SLC16A10: variants seen among roughly 807,000 people sequenced by gnomAD.
SLC16A10 encodes the protein solute carrier family 16 member 10.
Under a neutral mutation model 40.0 loss-of-function variants are expected in SLC16A10, and 27 were observed. That is an observed-to-expected ratio of 0.67 (90% CI 0.50 to 0.93). The LOEUF (loss-of-function observed/expected upper bound fraction) is 0.93. Among genes scored for constraint, SLC16A10 ranks in the 40% least tolerant of loss-of-function variants. SLC16A10 has a pLI of 0.00. For missense variants in SLC16A10, 529 were observed against 658.2 expected (o/e 0.80, Z 2.15); for synonymous variants, 213 against 249.8 (o/e 0.85, Z 1.39).
At position 111,223,091 on chromosome 6, in the gene SLC16A10, C is replaced by T. The variant is rs1042774182; in HGVS notation, c.*856C>T. On this transcript the variant is annotated 3_prime_UTR_variant, in exon 6 of 6. Transcript: ENST00000368851. ...GGCACTAGAACCTGATATTTAAAGT[C>T]TTACTGAGCAGCTATCAAGTGGCAG... The T allele has an allele frequency of 7.1e-6, 1 of 140,350 alleles. No homozygotes were observed. 8.7% of individuals were successfully genotyped at this position (140,350 alleles called of 1,614,324 possible). A position where few individuals can be genotyped will look rare whatever the true frequency, so the allele number is the denominator to read the frequency against.
At chr6:111,182,893 A>G (rs1331724354) in intron 3 of SLC16A10, among the ~76,000 whole-genome samples, 1 of 151,922 alleles carries the variant, frequency 6.6e-6, no homozygotes, top group African/African-American at 2.4e-5. Flanking sequence ...GGATCTGACC[A>G]CCTCTCACCA....
chr6:111,154,556 T>A (rs1180613897), intron 1 of SLC16A10, among the ~76,000 whole-genome samples: 1 of 152,240 alleles, frequency 6.6e-6, no homozygotes, highest in Admixed American at 6.5e-5. Flanking sequence ...AGGAAGCAAG[T>A]ATTTTTTGCC....
At chr6:111,119,633 T>C (rs1328396320) in intron 1 of SLC16A10, among the ~76,000 whole-genome samples, 1 of 152,184 alleles carries the variant, frequency 6.6e-6, no homozygotes, top group Non-Finnish European at 1.5e-5. Context: ...ACTGAATGTT[T>C]GTAACCCCCA....
chr6:111,216,237 C>T (rs1157725446), intron 4 of SLC16A10, among the ~76,000 whole-genome samples: 1 of 152,144 alleles, frequency 6.6e-6, no homozygotes, highest in African/African-American at 2.4e-5. Context: ...GTAGGCCCAA[C>T]AATTACTCAC....
intron 1 of SLC16A10, among the ~76,000 whole-genome samples, chr6:111,151,618 C>G (rs573267564): frequency 6.6e-6 from 1 of 152,178 alleles, no homozygotes; most frequent in South Asian, 2.1e-4. Flanking sequence ...ACCGTTTGAT[C>G]ATGTAATTCC....
intron 1 of SLC16A10, among the ~76,000 whole-genome samples, chr6:111,171,750 A>G (rs1230220893): frequency 6.7e-6 from 1 of 150,118 alleles, no homozygotes; most frequent in East Asian, 2.0e-4. Context: ...TGGGCTGTCG[A>G]GATCACAGTG....
intron 4 of SLC16A10, among the ~76,000 whole-genome samples, chr6:111,207,845 G>T (rs1773280334): frequency 6.6e-6 from 1 of 152,156 alleles, no homozygotes; most frequent in African/African-American, 2.4e-5. Context: ...TGGATTGGTT[G>T]GGGGGATGGA....
At chr6:111,168,103 C>T (rs947972501) in intron 1 of SLC16A10, among the ~76,000 whole-genome samples, 2 of 152,044 alleles carry the variant, frequency 1.3e-5, no homozygotes, top group Non-Finnish European at 2.9e-5. Context: ...ACTCAGCCTC[C>T]CGAATAGCTG....
rs183624208 is a variant in SLC16A10, at chr6:111,123,152, T to A, written c.343+35057T>A. Among the ~76,000 whole-genome samples the A allele has an allele frequency of 3.0e-3, 457 of 152,310 alleles. 1 individual carries two copies. Among genetic ancestry groups the A allele is most frequent in the Non-Finnish European group, 5.1e-3 (347 of 68,010 alleles). On this transcript the variant is annotated intron_variant, in intron 1 of 5. Transcript: ENST00000368851. ...GACTCTGGCCCATTCCTCCCACCTG[T>A]CTTCATCCTGTCGGGGTTGATCTCT...
chr6:111,166,122 C>G (rs1359517368), intron 1 of SLC16A10, among the ~76,000 whole-genome samples: 1 of 151,914 alleles, frequency 6.6e-6, no homozygotes, highest in Non-Finnish European at 1.5e-5. Flanking sequence ...AGATTGGCTA[C>G]AGCTTAAGAT....
chr6:111,176,473 T>C (rs1008238312), intron 2 of SLC16A10, among the ~76,000 whole-genome samples: 2 of 152,264 alleles, frequency 1.3e-5, no homozygotes, highest in African/African-American at 4.8e-5. Context: ...TGTAAGATTA[T>C]TTAATCCATT....
At chr6:111,146,940 A>C (rs539387009) in intron 1 of SLC16A10, among the ~76,000 whole-genome samples, 2 of 152,336 alleles carry the variant, frequency 1.3e-5, no homozygotes, top group East Asian at 3.9e-4. Flanking sequence ...AAATGAAAGA[A>C]ACCAGCCACA....
chr6:111,109,791 G>T (rs914370967), intron 1 of SLC16A10, among the ~76,000 whole-genome samples: 2 of 152,026 alleles, frequency 1.3e-5, no homozygotes, highest in Non-Finnish European at 2.9e-5. Flanking sequence ...GATGGATATT[G>T]GGTTGTTTTC....
Position 111,206,747 on chromosome 6 carries a change from C to A in SLC16A10, c.1086+12C>A. 6.2e-7 allele frequency: 1 copy of A among 1,610,586 alleles called. No individual in the cohort carries two copies. ...AGGTTTATCTACAGGTACTTTTTTA[C>A]ACCTTTTTTCCCCTATCAAAAATTA... is the stretch of plus-strand genomic sequence containing the variant. On this transcript the variant is annotated intron_variant, in intron 4 of 5. Coordinates refer to ENST00000368851, the MANE Select transcript of SLC16A10 (RefSeq NM_018593.5).
chr6:111,195,614 G>C (rs1245685137), intron 3 of SLC16A10, among the ~76,000 whole-genome samples: 1 of 152,152 alleles, frequency 6.6e-6, no homozygotes, highest in South Asian at 2.1e-4. Context: ...ACCCTAATGA[G>C]GTGTTGCTGC....
At chr6:111,193,297 C>T in intron 3 of SLC16A10, 3 of 985,758 alleles carry the variant, frequency 3.0e-6, no homozygotes, top group Non-Finnish European at 2.4e-6. Context: ...CTTCAGATCT[C>T]AACATCTGCT....
intron 1 of SLC16A10, among the ~76,000 whole-genome samples, chr6:111,158,571 G>A (rs1266717804): frequency 6.6e-6 from 1 of 152,150 alleles, no homozygotes; most frequent in Non-Finnish European, 1.5e-5. Flanking sequence ...GGTAATGCTC[G>A]CTCACCTACC....
intron 1 of SLC16A10, among the ~76,000 whole-genome samples, chr6:111,153,746 G>A (rs1051638162): frequency 2.6e-5 from 4 of 152,198 alleles, no homozygotes; most frequent in East Asian, 1.9e-4. Flanking sequence ...GAATGAAACC[G>A]TATATATAAA....
At chr6:111,221,906 C>A in intron 5 of SLC16A10, 97 bp from the exon 6 acceptor site, 3 of 1,073,076 alleles carry the variant, frequency 2.8e-6, no homozygotes, top group Non-Finnish European at 3.9e-6. Flanking sequence ...AAAAAAAAGT[C>A]TGATGTCTGA....
Sources: gnomAD v4.1 joint callset for allele counts (sites outside exome capture counted in the v4.1 genomes callset) on GRCh38, gnomAD v4.1.1 for gene constraint, MANE v1.5 for transcripts, NCBI Gene and HGNC (gene_info 2026-07-23, HGNC 2026-07-21) for gene names.